PTPRM: variants seen among roughly 807,000 people sequenced by gnomAD.
PTPRM encodes the protein receptor-type tyrosine-protein phosphatase mu.
Under a neutral mutation model 186.7 loss-of-function variants are expected in PTPRM, and 47 were observed. That is an observed-to-expected ratio of 0.25 (90% confidence interval 0.20 to 0.32). The LOEUF is 0.32. PTPRM is among the 10% of genes least tolerant of loss of function. The pLI, the probability that PTPRM is intolerant of heterozygous loss-of-function variation, is 1.00. For missense variants in PTPRM, 1,494 were observed against 1,865.0 expected (o/e 0.80, Z 3.66); for synonymous variants, 668 against 674.9 (o/e 0.99, Z 0.16).
chr18:8,191,404 C>CG (rs1021604641), intron 14 of PTPRM, among the ~76,000 whole-genome samples: 12 of 152,116 alleles, frequency 7.9e-5, no homozygotes, highest in African/African-American at 2.2e-4. Flanking sequence ...TTTCCAGAGA[C>CG]GGTGACACGC....
chr18:8,297,265 G>C (rs1007177277), intron 20 of PTPRM, among the ~76,000 whole-genome samples: 1 of 152,182 alleles, frequency 6.6e-6, no homozygotes. Context: ...ATGCAGATTA[G>C]GCCAAGAGAA....
intron 14 of PTPRM, among the ~76,000 whole-genome samples, chr18:8,235,532 T>G (rs2094336624): frequency 6.6e-6 from 1 of 151,294 alleles, no homozygotes; most frequent in Admixed American, 6.6e-5. Context: ...AGTTTTTAGT[T>G]TTGTTAATTT....
At chr18:8,282,956 T>C (rs2094919619) in intron 19 of PTPRM, among the ~76,000 whole-genome samples, 1 of 152,114 alleles carries the variant, frequency 6.6e-6, no homozygotes, top group Non-Finnish European at 1.5e-5. Context: ...CTCAAGGGCA[T>C]TGTGCTCAGG....
chr18:7,615,620 C>T (rs1016210394), intron 1 of PTPRM, among the ~76,000 whole-genome samples: 2 of 152,132 alleles, frequency 1.3e-5, no homozygotes, highest in East Asian at 1.9e-4. Context: ...AAGTCCTCCC[C>T]TCCCTTCCTG....
At chr18:8,133,064 A>C (rs141720190) in intron 13 of PTPRM, among the ~76,000 whole-genome samples, 1 of 152,316 alleles carries the variant, frequency 6.6e-6, no homozygotes, top group Admixed American at 6.5e-5. Flanking sequence ...AGAAGCAAGC[A>C]AGAGAGACAG....
intron 14 of PTPRM, among the ~76,000 whole-genome samples, chr18:8,160,108 G>A (rs1012074889): frequency 5.3e-5 from 8 of 151,930 alleles, no homozygotes; most frequent in Middle Eastern, 3.4e-3. Context: ...TTATTTAAAC[G>A]ATCATTTATT....
chr18:8,162,823 AAC>A (rs1179208270), intron 14 of PTPRM, among the ~76,000 whole-genome samples: 1 of 152,170 alleles, frequency 6.6e-6, no homozygotes, highest in African/African-American at 2.4e-5. Context: ...TAAAAATTTA[AAC>A]AGTCTCCAGG....
At chr18:8,012,133 A>G (rs1372797247) in intron 7 of PTPRM, among the ~76,000 whole-genome samples, 2 of 152,220 alleles carry the variant, frequency 1.3e-5, no homozygotes, top group Admixed American at 6.5e-5. Context: ...GACCTGTGCT[A>G]CTTGAGCACT....
chr18:8,153,230 T>C (rs915055845), intron 14 of PTPRM, among the ~76,000 whole-genome samples: 1 of 152,224 alleles, frequency 6.6e-6, no homozygotes, highest in African/African-American at 2.4e-5. Context: ...ATCTGGCAAG[T>C]TCTCTGTGAG....
intron 1 of PTPRM, among the ~76,000 whole-genome samples, chr18:7,600,722 GGT>G (rs2037379750): frequency 6.6e-6 from 1 of 152,208 alleles, no homozygotes; most frequent in African/African-American, 2.4e-5. Flanking sequence ...GTAACCTGCT[GGT>G]GCTGGCTGTG....
At chr18:8,093,463 T>A (rs2090860315) in intron 11 of PTPRM, among the ~76,000 whole-genome samples, 1 of 152,162 alleles carries the variant, frequency 6.6e-6, no homozygotes, top group African/African-American at 2.4e-5. Flanking sequence ...TCTGATATCA[T>A]GAAAAATCTA....
chr18:7,876,278 A>G (rs2048241292), intron 2 of PTPRM, among the ~76,000 whole-genome samples: 1 of 152,206 alleles, frequency 6.6e-6, no homozygotes, highest in African/African-American at 2.4e-5. Flanking sequence ...TACCCAAGAA[A>G]GACATATTAA....
intron 5 of PTPRM, among the ~76,000 whole-genome samples, chr18:7,946,550 G>C (rs2052537647): frequency 6.6e-6 from 1 of 152,114 alleles, no homozygotes; most frequent in Non-Finnish European, 1.5e-5. Flanking sequence ...ATTTCCTGGG[G>C]TGGGGTGAGA....
At chr18:8,142,063 T>C (rs2092779041) in intron 13 of PTPRM, among the ~76,000 whole-genome samples, 1 of 152,234 alleles carries the variant, frequency 6.6e-6, no homozygotes, top group Non-Finnish European at 1.5e-5. Flanking sequence ...GTATTTCAGA[T>C]GTAATTACCA....
At chr18:7,625,241 GT>G (rs1375833530) in intron 1 of PTPRM, among the ~76,000 whole-genome samples, 1 of 152,200 alleles carries the variant, frequency 6.6e-6, no homozygotes, top group Non-Finnish European at 1.5e-5. Flanking sequence ...TAGGAAAGTA[GT>G]TAAAACAACC....
intron 22 of PTPRM, among the ~76,000 whole-genome samples, chr18:8,325,964 G>T (rs1278095006): frequency 6.6e-6 from 1 of 152,086 alleles, no homozygotes; most frequent in African/African-American, 2.4e-5. Context: ...CTTGCTGGCC[G>T]CATGGTACCT....
intron 24 of PTPRM, 27 bp downstream of exon 24, chr18:8,371,033 C>A (rs1400530621): frequency 7.1e-7 from 1 of 1,405,748 alleles, no homozygotes; most frequent in Non-Finnish European, 1.0e-6. Context: ...CTTTTAAAAG[C>A]TATGGTCAGA....
chr18:8,319,329 C>A, intron 22 of PTPRM, 115 bp downstream of exon 22: 1 of 690,596 alleles, frequency 1.4e-6, no homozygotes, highest in Non-Finnish European at 2.4e-6. Flanking sequence ...CGGTTCTAGC[C>A]ATCGGCAGGT....
intron 14 of PTPRM, among the ~76,000 whole-genome samples, chr18:8,230,840 G>A (rs556286706): frequency 2.9e-4 from 44 of 152,132 alleles, no homozygotes; most frequent in Non-Finnish European, 4.3e-4. Context: ...CATCTTTAAT[G>A]TGACAACCTC....
Sources: allele counts gnomAD v4.1 joint callset (sites outside exome capture counted in the v4.1 genomes callset), GRCh38; gene constraint gnomAD v4.1.1; transcripts MANE v1.5; gene names NCBI Gene and HGNC (gene_info 2026-07-23, HGNC 2026-07-21).